Variants in MTR observed in about 807,000 individuals in gnomAD.
MTR encodes the protein methionine synthase.
MTR carries 84 observed loss-of-function variants against 154.8 expected under a neutral mutation model. The ratio of observed to expected loss-of-function variants is 0.54; its 90% CI spans 0.45 to 0.65. MTR has a LOEUF of 0.65. MTR is among the 30% of genes least tolerant of loss of function. The pLI, the probability that MTR is intolerant of heterozygous loss-of-function variation, is 0.00. For missense variants in MTR, 1,275 were observed against 1,570.2 expected (o/e 0.81, Z 3.18); for synonymous variants, 554 against 553.9 (o/e 1.00, Z 0.00).
intron 11 of MTR, among the ~76,000 whole-genome samples, 172 bp from the exon 12 acceptor site, chr1:236,829,017 G>A (rs567806139): frequency 6.6e-6 from 1 of 152,224 alleles, no homozygotes; most frequent in South Asian, 2.1e-4. Context: ...CTGCCTTGTT[G>A]AGAAAACTAA....
intron 11 of MTR, among the ~76,000 whole-genome samples, chr1:236,827,409 T>G (rs1662352168): frequency 6.6e-6 from 1 of 152,232 alleles, no homozygotes; most frequent in Admixed American, 6.5e-5. Flanking sequence ...TCTATATGCC[T>G]GTCACATGGT....
chr1:236,822,396 A>G (rs759153943), intron 8 of MTR, among the ~76,000 whole-genome samples: 2 of 148,416 alleles, frequency 1.3e-5, no homozygotes, highest in African/African-American at 2.5e-5. Context: ...TGCAGCCTCA[A>G]CCTCCCAGGC....
chr1:236,872,742 T>C (rs1260277314), intron 22 of MTR, among the ~76,000 whole-genome samples: 1 of 152,180 alleles, frequency 6.6e-6, no homozygotes, highest in Admixed American at 6.5e-5. Context: ...CCTATAATCC[T>C]AGCTCAAGCC....
Position 236,820,214 on chromosome 1 carries a change from T to TG in MTR, c.764+3672dup, listed in dbSNP as rs765006434. ...CGTGGCACCATTTCCTGTGAACACT[T>TG]GCGGGAGGTCATGCCTGATCTCTGC... is the stretch of plus-strand genomic sequence containing the variant. On this transcript the variant is annotated intron_variant, in intron 8 of 32. Coordinates refer to ENST00000366577, the MANE Select transcript of MTR (RefSeq NM_000254.3). 5.1e-5 allele frequency: 39 copies of TG among 758,258 alleles called. No homozygotes were observed. In the East Asian group the frequency reaches 6.1e-4, roughly 12 times the overall value. The allele number at this position is 758,258 out of a possible 1,614,324, so 47.0% of individuals were successfully genotyped here. A position where few individuals can be genotyped will look rare whatever the true frequency, so the allele number is the denominator to read the frequency against.
intron 8 of MTR, among the ~76,000 whole-genome samples, chr1:236,817,298 C>T (rs755349877): frequency 6.6e-6 from 1 of 151,994 alleles, no homozygotes; most frequent in Admixed American, 6.6e-5. Flanking sequence ...TCCCCTTCCC[C>T]CTTTCCCCCC....
chr1:236,889,702 C>A lies in MTR; in HGVS notation c.3007+366C>A, dbSNP rs773347815. On this transcript the variant is annotated intron_variant, in intron 28 of 32. Transcript: ENST00000366577. ...GACATAAGAGGAGATAGAGCTCAGA[C>A]TGGGAGGTCAGGGCAGGCTTCCTGG... is the stretch of plus-strand genomic sequence containing the variant. Among the ~76,000 whole-genome samples, 82 of 152,122 alleles carry A rather than the reference C, an allele frequency of 5.4e-4. 1 individual carries two copies. Among genetic ancestry groups the A allele is most frequent in the Non-Finnish European group, 1.0e-3 (70 of 68,036 alleles).
In MTR at chr1:236,842,490, G is replaced by A. The variant is rs189983618; in HGVS notation, c.1515+3891G>A. On this transcript the variant is annotated intron_variant, in intron 15 of 32. Transcript: ENST00000366577. ...CAACTCTGGTGTTTTGCTCTGCATC[G>A]GGTGAGATTTTCATATCTACATTTA... Among the ~76,000 whole-genome samples, 363 of 152,056 alleles carry A rather than the reference G, an allele frequency of 2.4e-3. 5 individuals carry two copies. Among genetic ancestry groups the A allele is most frequent in the African/African-American group, 8.0e-3 (330 of 41,478 alleles).
In MTR at chr1:236,835,566, A is replaced by G; in HGVS notation, c.1208A>G (p.Lys403Arg). 1 of 1,611,914 alleles carries G rather than the reference A, an allele frequency of 6.2e-7. No individual in the cohort carries two copies. Among genetic ancestry groups the G allele is most frequent in the Non-Finnish European group, 8.5e-7 (1 of 1,179,678 alleles). ...CTTCAGGAAGCCTTGTGTGTTGCCA[A>G]AGTGCAGGTGGAAATGGGAGCCCAG... ...GNYEEALCVA[K>R]VQVEMGAQVL... Residue 403 changes from lysine (K) to arginine (R), a missense_variant, in exon 14 of 33, where the codon AAA (lysine) becomes AGA (arginine). Physicochemically the swap from Lys to Arg is conservative, Grantham distance 26 (BLOSUM62 2). Coordinates refer to ENST00000366577, the MANE Select transcript of MTR (RefSeq NM_000254.3).
intron 29 of MTR, among the ~76,000 whole-genome samples, chr1:236,892,691 C>T (rs546743592): frequency 4.6e-5 from 7 of 152,262 alleles, no homozygotes; most frequent in East Asian, 1.9e-4. Context: ...CAGGCTCGGA[C>T]GCCACAGAAT....
chr1:236,846,746 AT>A (rs1267976107), intron 15 of MTR, among the ~76,000 whole-genome samples: 1 of 151,502 alleles, frequency 6.6e-6, no homozygotes, highest in African/African-American at 2.4e-5. Flanking sequence ...TCTTTGGTAA[AT>A]TTTTTCCCTT....
At chr1:236,895,841 T>G (rs899596875) in intron 31 of MTR, among the ~76,000 whole-genome samples, 3 of 152,218 alleles carry the variant, frequency 2.0e-5, no homozygotes, top group Admixed American at 6.5e-5. Flanking sequence ...TGCCCCAGTT[T>G]CCTGTCACAG....
intron 24 of MTR, among the ~76,000 whole-genome samples, chr1:236,879,445 T>A (rs1665608530): frequency 6.6e-6 from 1 of 152,218 alleles, no homozygotes; most frequent in Non-Finnish European, 1.5e-5. Flanking sequence ...TATGTTTTTG[T>A]CGAGGGGGAA....
chr1:236,891,403 A>G (rs1666312912), intron 29 of MTR, 74 bp downstream of exon 29: 5 of 1,436,558 alleles, frequency 3.5e-6, no homozygotes, highest in Admixed American at 1.7e-5. Context: ...AGAGCTTTGC[A>G]TAAATGAGGG....
chr1:236,811,131 C>T (rs1661278101), intron 5 of MTR, among the ~76,000 whole-genome samples: 2 of 152,254 alleles, frequency 1.3e-5, no homozygotes, highest in East Asian at 1.9e-4. Flanking sequence ...TCACGTCTTA[C>T]ACGGATGGTA....
At chr1:236,839,180 C>G (rs1329343880) in intron 15 of MTR, among the ~76,000 whole-genome samples, 1 of 152,164 alleles carries the variant, frequency 6.6e-6, no homozygotes, top group Non-Finnish European at 1.5e-5. Context: ...TCAATAAATG[C>G]TGTTGGGATG....
chr1:236,885,709 A>G (rs1458393483), intron 26 of MTR, among the ~76,000 whole-genome samples: 1 of 152,234 alleles, frequency 6.6e-6, no homozygotes, highest in Non-Finnish European at 1.5e-5. Flanking sequence ...CAGGGAATCC[A>G]TGGAGAACAG....
intron 15 of MTR, among the ~76,000 whole-genome samples, chr1:236,847,802 C>T (rs1663668934): frequency 6.6e-6 from 1 of 152,204 alleles, no homozygotes; most frequent in Non-Finnish European, 1.5e-5. Flanking sequence ...TTGTAATGTG[C>T]AACCAGAGTT....
intron 8 of MTR, among the ~76,000 whole-genome samples, chr1:236,818,599 A>T (rs1661739986): frequency 6.6e-6 from 1 of 152,246 alleles, no homozygotes; most frequent in Non-Finnish European, 1.5e-5. Context: ...CACAGAGAGA[A>T]TGTATTTGCT....
rs771695379 is a variant in MTR at position 236,795,660 on chromosome 1, G to A, written c.-44G>A. 2 of 1,613,118 alleles carry A rather than the reference G, an allele frequency of 1.2e-6. No homozygotes were observed. The highest frequency in any genetic ancestry group is 3.3e-5 in the Admixed American group (2 of 60,022). On this transcript the variant is annotated 5_prime_UTR_variant, in exon 1 of 33. Transcript: ENST00000366577. ...GGCCGTCGTCACCTGTGGAGAGCAC[G>A]TCTTCTCTGCCGCGCCCTCTGCGCA...
Sources: allele counts gnomAD v4.1 joint callset (sites outside exome capture counted in the v4.1 genomes callset), GRCh38; gene constraint gnomAD v4.1.1; transcripts MANE v1.5; gene names NCBI Gene and HGNC (gene_info 2026-07-23, HGNC 2026-07-21).